ZMIZ1: variants seen among roughly 807,000 people sequenced by gnomAD.
ZMIZ1 encodes the protein zinc finger MIZ domain-containing protein 1.
A neutral mutation model predicts 113.9 loss-of-function variants in ZMIZ1; 17 were observed. The observed-to-expected ratio is 0.15, with a 90% CI of 0.10 to 0.22. The LOEUF is 0.22. ZMIZ1 is among the 10% of genes least tolerant of loss of function. The probability of loss-of-function intolerance (pLI) is 1.00; values close to 1 mark genes in which losing one functional copy is unlikely to be tolerated. For synonymous variants in ZMIZ1, 607 were observed against 603.1 expected (o/e 1.01, Z -0.09); for missense variants, 1,059 against 1,477.8 (o/e 0.72, Z 4.65).
intron 7 of ZMIZ1, among the ~76,000 whole-genome samples, chr10:79,218,050 A>G (rs1240370295): frequency 1.3e-5 from 2 of 152,188 alleles, no homozygotes; most frequent in Non-Finnish European, 2.9e-5. Context: ...TAAGAAACTT[A>G]TAGTCCAGAG....
At chr10:79,237,413 C>T (rs951519000) in intron 7 of ZMIZ1, among the ~76,000 whole-genome samples, 6 of 152,312 alleles carry the variant, frequency 3.9e-5, no homozygotes, top group Non-Finnish European at 4.4e-5. Flanking sequence ...TGCCACACAG[C>T]GGGTGGCTTA....
chr10:79,165,178 C>T (rs898757321), intron 4 of ZMIZ1, among the ~76,000 whole-genome samples: 18 of 152,282 alleles, frequency 1.2e-4, no homozygotes, highest in Non-Finnish European at 2.1e-4. Context: ...CTCCCTTTCC[C>T]TTTCTGGGAT....
At chr10:79,312,222 G>C (rs1018905251) in intron 24 of ZMIZ1, among the ~76,000 whole-genome samples, 1 of 152,254 alleles carries the variant, frequency 6.6e-6, no homozygotes, top group Non-Finnish European at 1.5e-5. Context: ...GGGGGGTTGG[G>C]GGCGGTGCAG....
rs995566570 is a variant in ZMIZ1, at chr10:79,296,384, G to A, written c.1231-87G>A. On this transcript the variant is annotated intron_variant, in intron 12 of 24. Coordinates refer to ENST00000334512, the MANE Select transcript of ZMIZ1 (RefSeq NM_020338.4). This position sits in a 1 kb window ranked among gnomAD's most constrained non-coding sequence, Gnocchi z 4.1. Reference sequence around the variant, plus strand: ...ACAGCAGGAGCAAATGAGGAGAGGCGGGCCCCATCCCGTTGTTCAGGTGAC... The same window carrying A: ...ACAGCAGGAGCAAATGAGGAGAGGCAGGCCCCATCCCGTTGTTCAGGTGAC... The A allele has an allele frequency of 1.0e-5, 15 of 1,440,598 alleles. No individual in the cohort carries two copies. The highest frequency in any genetic ancestry group is 4.8e-5 in the South Asian group (4 of 82,684). 89.2% of individuals were successfully genotyped at this position (1,440,598 alleles called of 1,614,324 possible).
At chr10:79,291,812 A>G (rs1414914485) in intron 10 of ZMIZ1, among the ~76,000 whole-genome samples, 1 of 152,180 alleles carries the variant, frequency 6.6e-6, no homozygotes, top group Non-Finnish European at 1.5e-5. Context: ...TGGTGGTTAA[A>G]CACAGGGATC....
intron 7 of ZMIZ1, among the ~76,000 whole-genome samples, chr10:79,221,352 C>T (rs1190305782): frequency 6.6e-6 from 1 of 152,212 alleles, no homozygotes; most frequent in Non-Finnish European, 1.5e-5. Context: ...GCCAGGCAGG[C>T]GGCTCCACGC....
intron 7 of ZMIZ1, among the ~76,000 whole-genome samples, chr10:79,248,277 G>C (rs762654392): frequency 1.1e-4 from 16 of 152,184 alleles, no homozygotes; most frequent in Admixed American, 4.6e-4. Context: ...GGATGAGAAA[G>C]GACTGTTGGG....
chr10:79,305,534 A>G lies in ZMIZ1; in HGVS notation c.2356A>G (p.Lys786Glu). Residue 786 changes from lysine (K) to glutamate (E), a missense_variant and splice_region_variant, in exon 21 of 25, where the codon AAA (lysine) becomes GAA (glutamate). This residue lies in a region of ZMIZ1 where 217 missense variants were observed against 426.9 expected (regional missense o/e 0.51). Coordinates refer to ENST00000334512, the MANE Select transcript of ZMIZ1 (RefSeq NM_020338.4). ...CAAGCTCCCCATCTCCTTTTCCAGT[A>G]AAACCGCTCTGCTGGAGGGCCTGGA... ...RGTWRCPVCN[K>E]TALLEGLEVD... 6.2e-7 allele frequency: 1 copy of G among 1,613,994 alleles called. No individual in the cohort carries two copies. Among genetic ancestry groups the G allele is most frequent in the Non-Finnish European group, 8.5e-7 (1 of 1,179,970 alleles).
chr10:79,151,597 C>T (rs1328303670), intron 3 of ZMIZ1, among the ~76,000 whole-genome samples: 2 of 152,206 alleles, frequency 1.3e-5, no homozygotes, highest in African/African-American at 4.8e-5. Flanking sequence ...AGTTTTCCTC[C>T]TGTAGCTGGG....
rs1432526074 is a variant in ZMIZ1, at chr10:79,314,098, A to G, written c.*1349A>G. 2.2e-6 allele frequency: 1 copy of G among 456,142 alleles called. No individual in the cohort carries two copies. Among genetic ancestry groups the G allele is most frequent in the East Asian group, 6.9e-5 (1 of 14,492 alleles). The allele number at this position is 456,142 out of a possible 1,614,324, so 28.3% of individuals were successfully genotyped here. A position where few individuals can be genotyped will look rare whatever the true frequency, so the allele number is the denominator to read the frequency against. On this transcript the variant is annotated 3_prime_UTR_variant, in exon 25 of 25. Transcript: ENST00000334512. ...TGCACTCCTCCACCATCACAATCTC[A>G]CCCAAACTCCTGCTCACTCAAGCAA...
intron 2 of ZMIZ1, among the ~76,000 whole-genome samples, chr10:79,134,059 C>T (rs1169080405): frequency 6.6e-6 from 1 of 152,116 alleles, no homozygotes; most frequent in Non-Finnish European, 1.5e-5. Context: ...CAGGATGGCC[C>T]TCTCTCCCAT....
chr10:79,312,247 C>T (rs189802245), intron 24 of ZMIZ1, among the ~76,000 whole-genome samples: 1 of 152,340 alleles, frequency 6.6e-6, no homozygotes, highest in East Asian at 1.9e-4. Context: ...CACTCGCCTT[C>T]CCGCCTTCCC....
chr10:79,290,391 G>T (rs578229497), intron 9 of ZMIZ1, among the ~76,000 whole-genome samples: 43 of 152,244 alleles, frequency 2.8e-4, no homozygotes, highest in Admixed American at 6.5e-4. Context: ...CCACCTGTCT[G>T]ACCTCTGCCA....
At chr10:79,269,453 C>A (rs1053236294) in intron 7 of ZMIZ1, among the ~76,000 whole-genome samples, 14 of 44,168 alleles carry the variant, frequency 3.2e-4, no homozygotes, top group Non-Finnish European at 5.0e-4. Context: ...AACACCTCCC[C>A]CCAACACACA....
intron 7 of ZMIZ1, among the ~76,000 whole-genome samples, chr10:79,253,364 GTGTC>G (rs1850666939): frequency 1.3e-5 from 2 of 152,296 alleles, no homozygotes; most frequent in Middle Eastern, 3.4e-3. Context: ...TGTTGGGAGT[GTGTC>G]TGTGACATAG....
At chr10:79,114,480 T>C (rs969872717) in intron 1 of ZMIZ1, among the ~76,000 whole-genome samples, 7 of 116,106 alleles carry the variant, frequency 6.0e-5, no homozygotes, top group African/African-American at 2.2e-4. Flanking sequence ...TGTGTGTCTG[T>C]GTGTGTGTGT....
At chr10:79,100,437 GAA>G (rs748608550) in intron 1 of ZMIZ1, among the ~76,000 whole-genome samples, 14 of 110,704 alleles carry the variant, frequency 1.3e-4, no homozygotes, top group East Asian at 5.9e-4. Flanking sequence ...CACCATCTCT[GAA>G]AAAAAAAAAA....
intron 1 of ZMIZ1, among the ~76,000 whole-genome samples, chr10:79,092,834 C>G (rs898649855): frequency 6.6e-6 from 1 of 152,088 alleles, no homozygotes; most frequent in South Asian, 2.1e-4. Flanking sequence ...GGTCAGGTAG[C>G]TCGCTTTTCT....
chr10:79,079,151 A>G (rs938535545), intron 1 of ZMIZ1, among the ~76,000 whole-genome samples: 3 of 152,058 alleles, frequency 2.0e-5, no homozygotes, highest in African/African-American at 7.2e-5. Context: ...CAGACCACAA[A>G]TCTGTTTGTG....
Sources: gnomAD v4.1 joint callset for allele counts (sites outside exome capture counted in the v4.1 genomes callset) on GRCh38, gnomAD v4.1.1 for gene constraint, gnomAD v4.1.1 regional missense constraint, Gnocchi (gnomAD v3.1) non-coding constraint, MANE v1.5 for transcripts, NCBI Gene and HGNC (gene_info 2026-07-23, HGNC 2026-07-21) for gene names.